The following MPP7 variants were observed in gnomAD, a reference collection of about 807,000 sequenced individuals.
The protein encoded by MPP7 is MAGUK p55 scaffold protein 7.
MPP7 carries 60 observed loss-of-function variants against 76.5 expected under a neutral mutation model. That is an observed-to-expected ratio of 0.78 (90% CI 0.64 to 0.97). The LOEUF (loss-of-function observed/expected upper bound fraction) is 0.97. Among genes scored for constraint, MPP7 ranks in the 50% least tolerant of loss-of-function variants. MPP7 has a pLI of 0.00. For missense variants in MPP7, 641 were observed against 694.0 expected, an observed-to-expected ratio of 0.92 and a Z score of 0.86; for synonymous variants, 237 against 244.5, an observed-to-expected ratio of 0.97 and a Z score of 0.29.
At position 28,150,041 on chromosome 10, in the gene MPP7, A is replaced by G; in HGVS notation, c.175T>C (p.Tyr59His). The G allele has an allele frequency of 6.2e-7, 1 of 1,613,586 alleles. No homozygotes were observed. Among genetic ancestry groups the G allele is most frequent in the Non-Finnish European group, 8.5e-7 (1 of 1,179,830 alleles). Residue 59 changes from tyrosine to histidine, a missense_variant, in exon 4 of 17, where the codon TAC (tyrosine) becomes CAC (histidine). By Grantham distance (83) the Tyr-to-His change is moderately conservative. Coordinates refer to ENST00000683449, the MANE Select transcript of MPP7 (RefSeq NM_001318170.2). ...SLVKIHEKLHYYEKQSPVPIL... is the reference protein window; with the variant it reads ...SLVKIHEKLHHYEKQSPVPIL... Reference sequence around the variant, plus strand: ...GGCACCGGACTCTGCTTCTCATAGTAGTGTAGTTTTTCATGAATCTGGAAG... The same window carrying G: ...GGCACCGGACTCTGCTTCTCATAGTGGTGTAGTTTTTCATGAATCTGGAAG...
At chr10:28,249,450 A>G (rs1839541535) in intron 1 of MPP7, among the ~76,000 whole-genome samples, 1 of 152,122 alleles carries the variant, frequency 6.6e-6, no homozygotes, top group Admixed American at 6.6e-5. Flanking sequence ...TTAGCCGGGC[A>G]TGGTGGCACA....
At chr10:28,137,939 G>C (rs937747889) in intron 5 of MPP7, among the ~76,000 whole-genome samples, 1 of 152,184 alleles carries the variant, frequency 6.6e-6, no homozygotes. Context: ...AGAATTAAGT[G>C]TCTAGCTTAT....
At chr10:28,058,678 T>A in intron 14 of MPP7, 75 bp from the exon 15 acceptor site, 1 of 744,058 alleles carries the variant, frequency 1.3e-6, no homozygotes, top group Non-Finnish European at 2.2e-6. Flanking sequence ...AATTCATAGG[T>A]AAAAGACGTT....
intron 1 of MPP7, among the ~76,000 whole-genome samples, chr10:28,252,839 AT>A (rs1252557802): frequency 7.2e-5 from 11 of 152,190 alleles, no homozygotes; most frequent in Non-Finnish European, 1.5e-4. Flanking sequence ...TGTGGCAGAA[AT>A]TCCCACTCCT....
chr10:28,245,312 C>G lies in MPP7; in HGVS notation c.-131-6577G>C, dbSNP rs1015533984. On this transcript the variant is annotated intron_variant, in intron 1 of 16. Coordinates refer to ENST00000683449, the MANE Select transcript of MPP7 (RefSeq NM_001318170.2). ...GAAACCAGTCCTTTTTTGTAATTAA[C>G]GTACATCAATATAATTCTACATTTT... 3.9e-5 allele frequency among the ~76,000 whole-genome samples: 6 copies of G among 152,252 alleles called. No individual in the cohort carries two copies. The South Asian group carries it at 1.2e-3, about 32-fold the overall frequency.
chr10:28,232,392 A>C (rs1266723127), intron 2 of MPP7, among the ~76,000 whole-genome samples: 1 of 132,422 alleles, frequency 7.6e-6, no homozygotes, highest in East Asian at 2.4e-4. Context: ...CACACACACA[A>C]ATTGATTGGT....
At chr10:28,170,781 T>G (rs1759606835) in intron 3 of MPP7, among the ~76,000 whole-genome samples, 1 of 152,158 alleles carries the variant, frequency 6.6e-6, no homozygotes, top group Non-Finnish European at 1.5e-5. Flanking sequence ...CCACTGAATC[T>G]GTCGGTTTCT....
intron 6 of MPP7, among the ~76,000 whole-genome samples, chr10:28,128,528 G>A (rs11006889): frequency 0.072 from 10,917 of 152,118 alleles, 896 homozygotes; most frequent in East Asian, 0.41. Context: ...TGATGAAAGG[G>A]GATCTGGCTA....
intron 11 of MPP7, among the ~76,000 whole-genome samples, chr10:28,105,549 C>G (rs1345370209): frequency 1.3e-5 from 2 of 152,128 alleles, no homozygotes; most frequent in African/African-American, 2.4e-5. Context: ...GCTCTGTCAC[C>G]CAGGCTGGAA....
chr10:28,223,014 G>T (rs1838568638), intron 2 of MPP7, among the ~76,000 whole-genome samples: 1 of 151,178 alleles, frequency 6.6e-6, no homozygotes, highest in Non-Finnish European at 1.5e-5. Flanking sequence ...GGTGCCTGTA[G>T]TCCCAGCTAC....
intron 2 of MPP7, among the ~76,000 whole-genome samples, chr10:28,324,842 T>G (rs1290389864): frequency 6.6e-6 from 1 of 152,184 alleles, no homozygotes; most frequent in Non-Finnish European, 1.5e-5. Context: ...AGATCAGTTA[T>G]TAGCCCCTTT....
intron 13 of MPP7, among the ~76,000 whole-genome samples, chr10:28,065,957 T>A (rs1277359511): frequency 6.6e-6 from 1 of 152,222 alleles, no homozygotes; most frequent in South Asian, 2.1e-4. Flanking sequence ...TTACCTATTT[T>A]ATTTTAATTT....
chr10:28,083,936 T>C (rs1178746955), intron 12 of MPP7, among the ~76,000 whole-genome samples: 2 of 152,188 alleles, frequency 1.3e-5, no homozygotes, highest in Non-Finnish European at 2.9e-5. Flanking sequence ...TATTCTCCAT[T>C]AAGTCTGTTC....
At chr10:28,236,979 G>T (rs1373470941) in intron 2 of MPP7, 1 of 152,188 alleles carries the variant, frequency 6.6e-6, no homozygotes. Context: ...ATAAAGCAAG[G>T]TGTCACTCAG....
At chr10:28,140,510 C>CA (rs985397751) in intron 5 of MPP7, among the ~76,000 whole-genome samples, 9 of 141,134 alleles carry the variant, frequency 6.4e-5, no homozygotes, top group East Asian at 2.0e-4. Context: ...GACTTAGTTT[C>CA]AAAAAAAAAG....
At chr10:28,143,357 A>G (rs181587100) in intron 5 of MPP7, among the ~76,000 whole-genome samples, 1 of 152,312 alleles carries the variant, frequency 6.6e-6, no homozygotes, top group African/African-American at 2.4e-5. Flanking sequence ...AATGAAAAAT[A>G]CAATTACGTA....
intron 11 of MPP7, among the ~76,000 whole-genome samples, chr10:28,108,731 A>G (rs1425030926): frequency 6.6e-6 from 1 of 152,144 alleles, no homozygotes; most frequent in Admixed American, 6.5e-5. Context: ...CCCTCTCACT[A>G]CTAAAAGTAG....
At chr10:28,216,271 G>C (rs1465609748) in intron 2 of MPP7, among the ~76,000 whole-genome samples, 1 of 151,910 alleles carries the variant, frequency 6.6e-6, no homozygotes, top group Non-Finnish European at 1.5e-5. Flanking sequence ...AGTCAAGGTG[G>C]TGCCACTGCA....
intron 1 of MPP7, among the ~76,000 whole-genome samples, chr10:28,261,053 T>C (rs1032855945): frequency 6.6e-6 from 1 of 152,192 alleles, no homozygotes; most frequent in Admixed American, 6.5e-5. Context: ...CAAAGCCAGA[T>C]GGGTCCCCAA....
Sources: allele counts gnomAD v4.1 joint callset (sites outside exome capture counted in the v4.1 genomes callset), GRCh38; gene constraint gnomAD v4.1.1; transcripts MANE v1.5; gene names NCBI Gene and HGNC (gene_info 2026-07-23, HGNC 2026-07-21).